The following ELP6 variants were observed in gnomAD, a reference collection of about 807,000 sequenced individuals.
ELP6 encodes elongator acetyltransferase complex subunit 6, also known as elongator complex protein 6.
Under a neutral mutation model 28.1 loss-of-function variants are expected in ELP6, and 23 were observed. The ratio of observed to expected loss-of-function variants is 0.82; its 90% CI spans 0.59 to 1.16. The LOEUF (loss-of-function observed/expected upper bound fraction) is 1.16. ELP6 is among the 50% of genes most tolerant of loss of function. The pLI is 0.00. For missense variants in ELP6, 313 were observed against 334.6 expected, an observed-to-expected ratio of 0.94 and a Z score of 0.50; for synonymous variants, 132 against 135.8, an observed-to-expected ratio of 0.97 and a Z score of 0.19.
At position 47,504,305 on chromosome 3, in the gene ELP6, CGGGCT is replaced by C; in HGVS notation, c.323+20_323+24del. 1 of 1,567,056 alleles carries C rather than the reference CGGGCT, an allele frequency of 6.4e-7. No homozygotes were observed. Among genetic ancestry groups the C allele is most frequent in the Non-Finnish European group, 8.7e-7 (1 of 1,154,150 alleles). On this transcript the variant is annotated intron_variant, in intron 4 of 6. Coordinates refer to ENST00000296149, the MANE Select transcript of ELP6 (RefSeq NM_001031703.3). ...GGGCCCACCTGCCACGTGTTGCTTC[CGGGCT>C]GGGCTGTAGGCTGACTGACCTGAGA...
At chr3:47,512,796 G>A (rs2029893477) in intron 1 of ELP6, 23 of 934,998 alleles carry the variant, frequency 2.5e-5, no homozygotes, top group Non-Finnish European at 2.8e-5. Context: ...TGTGCCAATT[G>A]CTCCGGGGCG....
At chr3:47,503,336 T>G (rs1708723740) in intron 4 of ELP6, 1 of 1,287,620 alleles carries the variant, frequency 7.8e-7, no homozygotes, top group Non-Finnish European at 1.0e-6. Flanking sequence ...AAGCGGGGAG[T>G]CTTCACAGAG....
chr3:47,504,163 T>C (rs1708754198), intron 4 of ELP6, 167 bp downstream of exon 4: 1 of 827,444 alleles, frequency 1.2e-6, no homozygotes, highest in Non-Finnish European at 1.8e-6. Flanking sequence ...CTCAGCCCCA[T>C]GATAAGAGCC....
At chr3:47,512,539 A>G (rs902579852) in intron 1 of ELP6, 1 of 923,130 alleles carries the variant, frequency 1.1e-6, no homozygotes, top group Non-Finnish European at 1.3e-6. Context: ...CGAGGGAGCG[A>G]GACTCCATCA....
At chr3:47,503,353 T>A (rs1290753140) in intron 4 of ELP6, 1 of 1,289,632 alleles carries the variant, frequency 7.8e-7, no homozygotes, top group Non-Finnish European at 1.0e-6. Context: ...AGAGCTATGT[T>A]TGTGGCCAAT....
At chr3:47,496,834 C>T (rs769675613) in intron 6 of ELP6, 19 of 985,190 alleles carry the variant, frequency 1.9e-5, no homozygotes, top group African/African-American at 3.5e-5. Flanking sequence ...TACTTGCGGG[C>T]TAGACTAATT....
intron 3 of ELP6, 60 bp downstream of exon 3, chr3:47,510,124 G>T: frequency 7.6e-7 from 1 of 1,315,900 alleles, no homozygotes; most frequent in Non-Finnish European, 1.1e-6. Flanking sequence ...CCAAGCTTTA[G>T]ACCATGTGTG....
Position 47,495,996 on chromosome 3 carries a change from C to A in ELP6, c.*73G>T. On this transcript the variant is annotated 3_prime_UTR_variant, in exon 7 of 7. Transcript: ENST00000296149. ...AATATTACTACAGAGGAGAAAGACCCATTCTTGCTATGTTGCTCTATCTTC... is the reference window on the plus strand; with the variant it reads ...AATATTACTACAGAGGAGAAAGACCAATTCTTGCTATGTTGCTCTATCTTC... 1.2e-6 allele frequency: 2 copies of A among 1,607,838 alleles called. No individual in the cohort carries two copies. Among genetic ancestry groups the A allele is most frequent in the Middle Eastern group, 1.7e-4 (1 of 5,998 alleles).
At chr3:47,497,280 A>G in intron 6 of ELP6, 1 of 985,314 alleles carries the variant, frequency 1.0e-6, no homozygotes, top group Non-Finnish European at 1.2e-6. Context: ...TGTTCTGGTG[A>G]GTGGCAGCAG....
intron 5 of ELP6, chr3:47,500,305 T>G: frequency 1.0e-6 from 1 of 987,714 alleles, no homozygotes; most frequent in Non-Finnish European, 1.2e-6. Flanking sequence ...GTGCATATAC[T>G]TTGAGAGGCC....
chr3:47,513,509 C>T (rs999417944), intron 1 of ELP6, 28 bp downstream of exon 1: 8 of 1,608,680 alleles, frequency 5.0e-6, no homozygotes, highest in Non-Finnish European at 6.8e-6. Context: ...CCAGGTCCCG[C>T]CCCCTTCCGG....
Position 47,504,319 on chromosome 3 carries a change from G to A in ELP6, c.323+11C>T. The A allele has an allele frequency of 1.9e-6, 3 of 1,597,404 alleles. No individual in the cohort carries two copies. Among genetic ancestry groups the A allele is most frequent in the Non-Finnish European group, 2.6e-6 (3 of 1,170,716 alleles). ...CGTGTTGCTTCCGGGCTGGGCTGTA[G>A]GCTGACTGACCTGAGAAACTGCAGG... On this transcript the variant is annotated intron_variant, in intron 4 of 6. Coordinates refer to ENST00000296149, the MANE Select transcript of ELP6 (RefSeq NM_001031703.3).
intron 6 of ELP6, chr3:47,497,230 C>G (rs896531817): frequency 2.0e-6 from 2 of 985,312 alleles, no homozygotes; most frequent in African/African-American, 1.7e-5. Context: ...CAGCTTCCCT[C>G]CCAGGGCAGG....
rs368399844 is a variant in ELP6 at position 47,512,058 on chromosome 3, G to A, written c.55-832C>T. 408 of 985,446 alleles carry A rather than the reference G, an allele frequency of 4.1e-4. 10 individuals carry two copies. In the South Asian group the frequency reaches 0.017, roughly 40 times the overall value. 61.0% of individuals were successfully genotyped at this position (985,446 alleles called of 1,614,324 possible). A position where few individuals can be genotyped will look rare whatever the true frequency, so the allele number is the denominator to read the frequency against. ...TTCACCTGGCCCTAGGCTGACTTTGGAAGTGCCAGTGGTAACTGGCAAGGT... is the reference window on the plus strand; with the variant it reads ...TTCACCTGGCCCTAGGCTGACTTTGAAAGTGCCAGTGGTAACTGGCAAGGT... On this transcript the variant is annotated intron_variant, in intron 1 of 6. Coordinates refer to ENST00000296149, the MANE Select transcript of ELP6 (RefSeq NM_001031703.3).
intron 3 of ELP6, chr3:47,509,856 G>C (rs1191581962): frequency 5.7e-6 from 1 of 176,628 alleles, no homozygotes; most frequent in African/African-American, 2.4e-5. Flanking sequence ...CTGGCTCCCG[G>C]GTTCAAGCGA....
At chr3:47,499,272 T>C (rs1286651273) in intron 5 of ELP6, among the ~76,000 whole-genome samples, 9 of 151,948 alleles carry the variant, frequency 5.9e-5, no homozygotes, top group African/African-American at 2.2e-4. Context: ...ATCCCAGCAC[T>C]TTGGAAGGCC....
intron 4 of ELP6, 71 bp from the exon 5 acceptor site, chr3:47,501,922 G>A (rs1200093642): frequency 8.6e-6 from 12 of 1,402,464 alleles, no homozygotes; most frequent in African/African-American, 4.3e-5. Flanking sequence ...CAAGTAGCAC[G>A]ACAGGAGAGG....
At chr3:47,501,468 GC>G (rs1708647263) in intron 5 of ELP6, 181 bp downstream of exon 5, 1 of 615,768 alleles carries the variant, frequency 1.6e-6, no homozygotes. Flanking sequence ...ATTTTGGGGG[GC>G]TTTACTTTTC....
chr3:47,498,982 G>A (rs1450073813), intron 5 of ELP6, among the ~76,000 whole-genome samples: 1 of 152,250 alleles, frequency 6.6e-6, no homozygotes, highest in African/African-American at 2.4e-5. Context: ...CAGAGGGCAA[G>A]TAGGAGTTAG....
Sources: allele counts gnomAD v4.1 joint callset (sites outside exome capture counted in the v4.1 genomes callset), GRCh38; gene constraint gnomAD v4.1.1; transcripts MANE v1.5; gene names NCBI Gene and HGNC (gene_info 2026-07-23, HGNC 2026-07-21).